The following SHISAL2B variants were observed in gnomAD, a reference collection of about 807,000 sequenced individuals.
The protein encoded by SHISAL2B is protein shisa-like-2B.
SHISAL2B carries 12 observed loss-of-function variants against 16.5 expected under a neutral mutation model. The observed-to-expected ratio is 0.73, with a 90% CI of 0.47 to 1.18. The LOEUF is 1.18. Among genes scored for constraint, SHISAL2B ranks in the 50% most tolerant of loss-of-function variants. The probability of loss-of-function intolerance (pLI) is 0.00; values close to 1 mark genes in which losing one functional copy is unlikely to be tolerated. For synonymous variants in SHISAL2B, 72 were observed against 75.0 expected, an observed-to-expected ratio of 0.96 and a Z score of 0.21; for missense variants, 183 against 193.6, an observed-to-expected ratio of 0.95 and a Z score of 0.33.
Position 64,690,655 on chromosome 5 carries a change from A to C in SHISAL2B, c.32A>C (p.Tyr11Ser). The C allele has an allele frequency of 1.3e-6, 2 of 1,526,420 alleles. No individual in the cohort carries two copies. The highest frequency in any genetic ancestry group is 1.8e-6 in the Non-Finnish European group (2 of 1,140,982). 94.6% of individuals were successfully genotyped at this position (1,526,420 alleles called of 1,614,324 possible). A position where few individuals can be genotyped will look rare whatever the true frequency, so the allele number is the denominator to read the frequency against. The change falls in exon 1 of 3, where the codon TAC becomes TCC. Residue 11 changes from tyrosine (Y) to serine (S), a missense_variant. Coordinates refer to ENST00000389074, the MANE Select transcript of SHISAL2B (RefSeq NM_001164442.2). Reference sequence around the variant, plus strand: ...GAGGCCAGCCGACTGTGCTCCGGCTACTACAGCCTCAACCAGAGCTTCGTG... The same window carrying C: ...GAGGCCAGCCGACTGTGCTCCGGCTCCTACAGCCTCAACCAGAGCTTCGTG... MSEASRLCSGYYSLNQSFVEP... is the reference protein window; with the variant it reads MSEASRLCSGSYSLNQSFVEP...
At chr5:64,708,660 T>C (rs1228150500) in intron 2 of SHISAL2B, among the ~76,000 whole-genome samples, 1 of 152,180 alleles carries the variant, frequency 6.6e-6, no homozygotes, top group African/African-American at 2.4e-5. Flanking sequence ...TAGAAAATGT[T>C]TACTTTGCAA....
intron 2 of SHISAL2B, among the ~76,000 whole-genome samples, chr5:64,698,773 T>C: frequency 6.6e-6 from 1 of 152,206 alleles, no homozygotes; most frequent in Admixed American, 6.5e-5. Context: ...TTGTTTGCTC[T>C]CTACTGTATC....
chr5:64,712,657 T>C (rs1741976213), intron 2 of SHISAL2B, among the ~76,000 whole-genome samples: 1 of 151,952 alleles, frequency 6.6e-6, no homozygotes, highest in Non-Finnish European at 1.5e-5. Flanking sequence ...TCTCCCATTA[T>C]TAATGTGTGG....
intron 1 of SHISAL2B, among the ~76,000 whole-genome samples, chr5:64,692,987 G>C (rs965548936): frequency 6.6e-6 from 1 of 151,876 alleles, no homozygotes; most frequent in Admixed American, 6.6e-5. Context: ...CTAGAGTTTT[G>C]CATGCATAAA....
intron 2 of SHISAL2B, among the ~76,000 whole-genome samples, chr5:64,716,934 G>C (rs887735583): frequency 6.6e-6 from 1 of 152,182 alleles, no homozygotes; most frequent in Admixed American, 6.5e-5. Context: ...TGGTAGCAGT[G>C]AAGATGGTGA....
At chr5:64,711,401 G>A (rs1255108710) in intron 2 of SHISAL2B, among the ~76,000 whole-genome samples, 1 of 149,684 alleles carries the variant, frequency 6.7e-6, no homozygotes. Flanking sequence ...CTTGATCATG[G>A]TGGATAAGCT....
chr5:64,690,834 G>A lies in SHISAL2B; in HGVS notation c.191+20G>A. ...CCTCAGGTGGGCTGAGAGCCCGCGC[G>A]TGCGGCGGCTGGCCGAGCCCGGGGC... On this transcript the variant is annotated intron_variant, in intron 1 of 2. Transcript: ENST00000389074. The A allele has an allele frequency of 6.7e-7, 1 of 1,484,278 alleles. No individual in the cohort carries two copies. The highest frequency in any genetic ancestry group is 2.2e-5 in the Admixed American group (1 of 45,198). The allele number at this position is 1,484,278 out of a possible 1,614,324, so 91.9% of individuals were successfully genotyped here.
At chr5:64,706,945 C>G (rs1741883332) in intron 2 of SHISAL2B, among the ~76,000 whole-genome samples, 1 of 151,858 alleles carries the variant, frequency 6.6e-6, no homozygotes, top group Admixed American at 6.6e-5. Flanking sequence ...AGACTTGTAG[C>G]CTGGAAAAAC....
intron 2 of SHISAL2B, among the ~76,000 whole-genome samples, chr5:64,714,907 G>T (rs576286054): frequency 1.3e-5 from 2 of 152,070 alleles, no homozygotes; most frequent in South Asian, 2.1e-4. Flanking sequence ...GCTCGTGCAC[G>T]GTGCGTGCAC....
chr5:64,693,289 G>A (rs1392578200), intron 1 of SHISAL2B, among the ~76,000 whole-genome samples: 1 of 152,164 alleles, frequency 6.6e-6, no homozygotes, highest in East Asian at 1.9e-4. Flanking sequence ...TTACAGGCGT[G>A]AGCCACCGCG....
intron 2 of SHISAL2B, among the ~76,000 whole-genome samples, chr5:64,707,795 A>G (rs973954491): frequency 1.3e-5 from 2 of 152,244 alleles, no homozygotes; most frequent in Non-Finnish European, 2.9e-5. Flanking sequence ...CAAAAAGTCA[A>G]AAAGATTACT....
At chr5:64,691,772 G>T (rs1382502599) in intron 1 of SHISAL2B, among the ~76,000 whole-genome samples, 1 of 152,070 alleles carries the variant, frequency 6.6e-6, no homozygotes, top group African/African-American at 2.4e-5. Context: ...GAATGAATGG[G>T]GTTCAACAAT....
intron 2 of SHISAL2B, among the ~76,000 whole-genome samples, chr5:64,708,916 T>C (rs1432882114): frequency 6.6e-6 from 1 of 152,152 alleles, no homozygotes; most frequent in African/African-American, 2.4e-5. Context: ...GTCATTATTG[T>C]GCCACTCTAG....
At chr5:64,708,103 A>G (rs970697151) in intron 2 of SHISAL2B, among the ~76,000 whole-genome samples, 3 of 152,188 alleles carry the variant, frequency 2.0e-5, no homozygotes, top group Non-Finnish European at 4.4e-5. Context: ...AATTATAATT[A>G]TTAATAACAT....
At chr5:64,708,600 A>G (rs1741905807) in intron 2 of SHISAL2B, among the ~76,000 whole-genome samples, 1 of 152,216 alleles carries the variant, frequency 6.6e-6, no homozygotes, top group Non-Finnish European at 1.5e-5. Flanking sequence ...ACAATAAGAT[A>G]TAATTTCCAT....
At chr5:64,693,296 C>G (rs1016773468) in intron 1 of SHISAL2B, among the ~76,000 whole-genome samples, 1 of 152,070 alleles carries the variant, frequency 6.6e-6, no homozygotes, top group Admixed American at 6.5e-5. Context: ...CGTGAGCCAC[C>G]GCGCCCAGCC....
At position 64,690,788 on chromosome 5, in the gene SHISAL2B, C is replaced by A; in HGVS notation, c.165C>A (p.Tyr55Ter). The change falls in exon 1 of 3, where the codon TAC becomes TAA. Residue 55 changes from tyrosine to a stop codon, truncating the protein, a stop_gained. Coordinates refer to ENST00000389074, the MANE Select transcript of SHISAL2B (RefSeq NM_001164442.2). LOFTEE classifies it high-confidence loss of function. ...GCGAGCCGGGCAGCTACTTCCCCTA[C>A]AAGCACAGCTACATGTGGAGCCTCA... is the stretch of plus-strand genomic sequence containing the variant. ...CCSEPGSYFP[Y>*]KHSYMWSLSI... 6.5e-7 allele frequency: 1 copy of A among 1,544,402 alleles called. No homozygotes were observed. The highest frequency in any genetic ancestry group is 8.7e-7 in the Non-Finnish European group (1 of 1,151,864).
intron 2 of SHISAL2B, among the ~76,000 whole-genome samples, chr5:64,717,095 T>C (rs1263209063): frequency 6.6e-6 from 1 of 152,092 alleles, no homozygotes; most frequent in African/African-American, 2.4e-5. Context: ...TAATTAGTAA[T>C]GGTGAAGTAG....
chr5:64,715,127 C>T (rs1045374746), intron 2 of SHISAL2B, among the ~76,000 whole-genome samples: 1 of 152,024 alleles, frequency 6.6e-6, no homozygotes, highest in African/African-American at 2.4e-5. Flanking sequence ...ATGAAGTCGT[C>T]CCAGAGTGAG....
Sources: gnomAD v4.1 joint callset for allele counts (sites outside exome capture counted in the v4.1 genomes callset) on GRCh38, gnomAD v4.1.1 for gene constraint, MANE v1.5 for transcripts, NCBI Gene and HGNC (gene_info 2026-07-23, HGNC 2026-07-21) for gene names.